RIT2: variants seen among roughly 807,000 people sequenced by gnomAD.
RIT2 encodes the protein Ras like without CAAX 2, also known as GTP-binding protein Rit2.
A neutral mutation model predicts 23.7 loss-of-function variants in RIT2; 24 were observed. The ratio of observed to expected loss-of-function variants is 1.01; its 90% CI spans 0.73 to 1.43. The LOEUF (loss-of-function observed/expected upper bound fraction) is 1.43. Ranked by LOEUF, RIT2 falls within the 40% of genes most tolerant of loss-of-function variation. The pLI, the probability that RIT2 is intolerant of heterozygous loss-of-function variation, is 0.00. For synonymous variants in RIT2, 107 were observed against 91.1 expected (o/e 1.17, Z -0.99); for missense variants, 236 against 266.9 (o/e 0.88, Z 0.81).
intron 3 of RIT2, among the ~76,000 whole-genome samples, chr18:42,956,710 T>G (rs2144180435): frequency 6.6e-6 from 1 of 151,786 alleles, no homozygotes; most frequent in South Asian, 2.1e-4. Flanking sequence ...GTTGTCTCGG[T>G]TATTACTCTC....
At chr18:43,026,612 G>GAAAGAAAT (rs1911731885) in intron 2 of RIT2, among the ~76,000 whole-genome samples, 1 of 142,022 alleles carries the variant, frequency 7.0e-6, no homozygotes, top group Non-Finnish European at 1.5e-5. Context: ...AAGAAAGAAA[G>GAAAGAAAT]AAAGAAAGAA....
At chr18:43,114,424 C>T (rs1914021210) in intron 1 of RIT2, among the ~76,000 whole-genome samples, 1 of 152,056 alleles carries the variant, frequency 6.6e-6, no homozygotes, top group Non-Finnish European at 1.5e-5. Context: ...GTTTCTTCTG[C>T]CGAAAATATT....
chr18:43,109,124 G>A (rs1278433915), intron 1 of RIT2, among the ~76,000 whole-genome samples: 2 of 152,142 alleles, frequency 1.3e-5, no homozygotes, highest in Non-Finnish European at 2.9e-5. Context: ...GCTGCTTTCC[G>A]TTTACCTCAG....
chr18:42,997,562 A>G (rs1911014327), intron 2 of RIT2, among the ~76,000 whole-genome samples: 1 of 152,144 alleles, frequency 6.6e-6, no homozygotes, highest in South Asian at 2.1e-4. Context: ...TTTTAATGCC[A>G]GAGAGACACA....
intron 4 of RIT2, among the ~76,000 whole-genome samples, chr18:42,802,091 A>C (rs1223696785): frequency 6.6e-6 from 1 of 152,230 alleles, no homozygotes; most frequent in Non-Finnish European, 1.5e-5. Flanking sequence ...CATGAAGCCC[A>C]CATGCAGAAA....
chr18:42,874,518 T>A (rs1446875442), intron 4 of RIT2, among the ~76,000 whole-genome samples: 1 of 152,090 alleles, frequency 6.6e-6, no homozygotes, highest in Middle Eastern at 3.2e-3. Flanking sequence ...GATTAGAAAA[T>A]AAATTTTAAT....
At chr18:43,078,710 G>A (rs1261023883) in intron 1 of RIT2, among the ~76,000 whole-genome samples, 1 of 152,162 alleles carries the variant, frequency 6.6e-6, no homozygotes, top group African/African-American at 2.4e-5. Flanking sequence ...CCCGCTTCCC[G>A]GGACGTTTTT....
chr18:42,920,884 A>T, intron 4 of RIT2: 1 of 682,530 alleles, frequency 1.5e-6, no homozygotes, highest in South Asian at 1.9e-5. Context: ...TTCTCAGAGA[A>T]TTCTTTTGAG....
chr18:42,882,201 A>T (rs1038682139), intron 4 of RIT2, among the ~76,000 whole-genome samples: 1 of 152,236 alleles, frequency 6.6e-6, no homozygotes, highest in African/African-American at 2.4e-5. Flanking sequence ...TCATTCAGCT[A>T]CTGAAGCACT....
chr18:42,837,976 G>C (rs932990618), intron 4 of RIT2, among the ~76,000 whole-genome samples: 1 of 152,098 alleles, frequency 6.6e-6, no homozygotes, highest in African/African-American at 2.4e-5. Context: ...GAAAATACCT[G>C]AGTGACTTTT....
chr18:43,074,341 G>A (rs1006449542), intron 1 of RIT2, among the ~76,000 whole-genome samples: 2 of 152,076 alleles, frequency 1.3e-5, no homozygotes, highest in African/African-American at 4.8e-5. Flanking sequence ...TTATACATAC[G>A]TGTATGTATT....
intron 3 of RIT2, among the ~76,000 whole-genome samples, chr18:42,969,609 A>G (rs1910315714): frequency 6.6e-6 from 1 of 151,998 alleles, no homozygotes; most frequent in Non-Finnish European, 1.5e-5. Flanking sequence ...GACTTAATCC[A>G]GGCCAAAGCC....
chr18:42,807,791 A>ATGTGTG (rs10551770), intron 4 of RIT2, among the ~76,000 whole-genome samples: 3,309 of 147,558 alleles, frequency 0.022, 74 homozygotes, highest in African/African-American at 0.061. Context: ...CACAAAGTGA[A>ATGTGTG]TGTGTGTGTG....
chr18:43,110,561 T>A (rs1301317502), intron 1 of RIT2, among the ~76,000 whole-genome samples: 1 of 152,070 alleles, frequency 6.6e-6, no homozygotes, highest in Non-Finnish European at 1.5e-5. Flanking sequence ...ACTGTAACCA[T>A]GAGATTATTT....
intron 2 of RIT2, among the ~76,000 whole-genome samples, chr18:43,002,101 T>C (rs181954007): frequency 7.2e-5 from 11 of 152,002 alleles, no homozygotes; most frequent in African/African-American, 2.6e-4. Context: ...ACCTCAAAAG[T>C]AGAGAAGCTG....
intron 4 of RIT2, among the ~76,000 whole-genome samples, chr18:42,888,317 G>C (rs1320685914): frequency 1.3e-5 from 2 of 151,852 alleles, no homozygotes; most frequent in Non-Finnish European, 2.9e-5. Context: ...AAAAACAAAG[G>C]GTTTTTTTTT....
intron 3 of RIT2, among the ~76,000 whole-genome samples, chr18:42,957,599 C>T (rs930097971): frequency 6.6e-6 from 1 of 152,092 alleles, no homozygotes; most frequent in East Asian, 1.9e-4. Flanking sequence ...GCCTGGTCAA[C>T]TTGGCGAAGC....
At chr18:42,943,183 C>T (rs894064243) in intron 3 of RIT2, among the ~76,000 whole-genome samples, 19 of 152,084 alleles carry the variant, frequency 1.2e-4, no homozygotes, top group African/African-American at 4.3e-4. Flanking sequence ...CTGTTTCTGT[C>T]CTATCAGAAT....
At chr18:42,896,274 A>T (rs1054615998) in intron 4 of RIT2, among the ~76,000 whole-genome samples, 1 of 152,154 alleles carries the variant, frequency 6.6e-6, no homozygotes, top group African/African-American at 2.4e-5. Context: ...CAAAAAAAAT[A>T]AAAAAAGTTT....
Sources: allele counts gnomAD v4.1 joint callset (sites outside exome capture counted in the v4.1 genomes callset), GRCh38; gene constraint gnomAD v4.1.1; transcripts MANE v1.5; gene names NCBI Gene and HGNC (gene_info 2026-07-23, HGNC 2026-07-21).